The following PHLPP1 variants were observed in gnomAD, a reference collection of about 807,000 sequenced individuals.
The protein encoded by PHLPP1 is PH domain leucine-rich repeat-containing protein phosphatase 1.
PHLPP1 carries 42 observed loss-of-function variants against 117.2 expected under a neutral mutation model. The ratio of observed to expected loss-of-function variants is 0.36; its 90% CI spans 0.28 to 0.46. The LOEUF (loss-of-function observed/expected upper bound fraction) is 0.46, where lower values mean the gene tolerates loss of function less well. Ranked by LOEUF, PHLPP1 falls within the 20% of genes least tolerant of loss-of-function variation. The probability of loss-of-function intolerance (pLI) is 1.00; values close to 1 mark genes in which losing one functional copy is unlikely to be tolerated. For missense variants in PHLPP1, 2,084 were observed against 2,241.9 expected (o/e 0.93, Z 1.42); for synonymous variants, 1,042 against 970.7 (o/e 1.07, Z -1.37).
intron 1 of PHLPP1, among the ~76,000 whole-genome samples, chr18:62,787,616 TAC>T (rs1913332102): frequency 6.6e-6 from 1 of 152,248 alleles, no homozygotes; most frequent in African/African-American, 2.4e-5. Flanking sequence ...TTTTCCCATT[TAC>T]AGTTTCTTTC....
intron 9 of PHLPP1, among the ~76,000 whole-genome samples, chr18:62,919,480 G>A (rs1909396850): frequency 6.6e-6 from 1 of 152,202 alleles, no homozygotes; most frequent in African/African-American, 2.4e-5. Flanking sequence ...AAATGCAACT[G>A]AGGAAAAACA....
At chr18:62,795,863 T>C (rs572952726) in intron 1 of PHLPP1, among the ~76,000 whole-genome samples, 4 of 152,334 alleles carry the variant, frequency 2.6e-5, no homozygotes, top group African/African-American at 4.8e-5. Flanking sequence ...GCAAGTTTCT[T>C]GCTAGTTTGC....
At chr18:62,731,559 T>C (rs1004710001) in intron 1 of PHLPP1, among the ~76,000 whole-genome samples, 1 of 152,138 alleles carries the variant, frequency 6.6e-6, no homozygotes, top group Non-Finnish European at 1.5e-5. Context: ...GGCCAGTTAG[T>C]AACCCTATAA....
intron 1 of PHLPP1, among the ~76,000 whole-genome samples, chr18:62,815,845 G>A (rs910643104): frequency 1.3e-5 from 2 of 152,160 alleles, no homozygotes; most frequent in African/African-American, 4.8e-5. Flanking sequence ...CTTTAAATTT[G>A]TGCTACCCTT....
intron 8 of PHLPP1, among the ~76,000 whole-genome samples, chr18:62,914,089 A>T (rs1477885296): frequency 6.6e-6 from 1 of 152,098 alleles, no homozygotes; most frequent in African/African-American, 2.4e-5. Flanking sequence ...CTAGTGCCCA[A>T]GTAAATGTTT....
At chr18:62,946,637 G>T (rs1243324139) in intron 12 of PHLPP1, among the ~76,000 whole-genome samples, 1 of 151,822 alleles carries the variant, frequency 6.6e-6, no homozygotes, top group Non-Finnish European at 1.5e-5. Flanking sequence ...AAGCCATTTT[G>T]TTTGTGTGTG....
intron 4 of PHLPP1, among the ~76,000 whole-genome samples, chr18:62,873,673 G>C (rs568432454): frequency 6.6e-6 from 1 of 152,270 alleles, no homozygotes; most frequent in South Asian, 2.1e-4. Context: ...TTCAGTAGAA[G>C]TTGGTATTTT....
chr18:62,963,517 C>G (rs758857917), intron 14 of PHLPP1, 45 bp downstream of exon 14: 19 of 1,214,126 alleles, frequency 1.6e-5, no homozygotes, highest in Non-Finnish European at 2.3e-5. Flanking sequence ...TCCTGCCTGT[C>G]TCACTCCTTT....
At chr18:62,879,769 T>G (rs1268930881) in intron 4 of PHLPP1, among the ~76,000 whole-genome samples, 1 of 152,194 alleles carries the variant, frequency 6.6e-6, no homozygotes, top group African/African-American at 2.4e-5. Flanking sequence ...TGCCTGTTTT[T>G]CATCCCAGAC....
At chr18:62,751,946 C>T (rs945927812) in intron 1 of PHLPP1, among the ~76,000 whole-genome samples, 6 of 152,114 alleles carry the variant, frequency 3.9e-5, no homozygotes, top group Admixed American at 1.3e-4. Context: ...ACAAGTAGTA[C>T]TAAAATACTC....
intron 1 of PHLPP1, among the ~76,000 whole-genome samples, chr18:62,786,389 GT>G (rs908270848): frequency 6.6e-6 from 1 of 152,176 alleles, no homozygotes; most frequent in Admixed American, 6.5e-5. Flanking sequence ...TGTTATTGTT[GT>G]TTTGTTTTGT....
intron 1 of PHLPP1, among the ~76,000 whole-genome samples, chr18:62,761,690 A>G (rs546263477): frequency 1.3e-5 from 2 of 152,022 alleles, no homozygotes; most frequent in African/African-American, 4.8e-5. Flanking sequence ...AAATGATGGT[A>G]TTAGTAATGT....
chr18:62,907,596 A>G (rs1661799751), intron 8 of PHLPP1, among the ~76,000 whole-genome samples: 1 of 138,554 alleles, frequency 7.2e-6, no homozygotes, highest in Non-Finnish European at 1.6e-5. Context: ...AAGTTTAGAG[A>G]AAAAAGAATA....
At chr18:62,961,793 T>C (rs1910777888) in intron 13 of PHLPP1, among the ~76,000 whole-genome samples, 1 of 152,220 alleles carries the variant, frequency 6.6e-6, no homozygotes, top group Non-Finnish European at 1.5e-5. Flanking sequence ...GATTTTCTAT[T>C]GACACTATGA....
intron 1 of PHLPP1, among the ~76,000 whole-genome samples, chr18:62,764,620 C>T (rs1294618012): frequency 6.6e-6 from 1 of 151,804 alleles, no homozygotes; most frequent in Non-Finnish European, 1.5e-5. Flanking sequence ...GGCCTGGTGG[C>T]GCATGCCTGT....
chr18:62,902,916 C>T (rs1369416347), intron 6 of PHLPP1, 48 bp from the exon 7 acceptor site: 2 of 1,139,552 alleles, frequency 1.8e-6, no homozygotes, highest in Non-Finnish European at 2.6e-6. Flanking sequence ...TGCCCATTTA[C>T]TTATAGCATT....
intron 10 of PHLPP1, among the ~76,000 whole-genome samples, chr18:62,939,449 C>G (rs1199593609): frequency 6.6e-6 from 1 of 152,160 alleles, no homozygotes; most frequent in Non-Finnish European, 1.5e-5. Context: ...TAAATGGGAT[C>G]TAAAGAAACA....
intron 15 of PHLPP1, among the ~76,000 whole-genome samples, chr18:62,973,867 G>T (rs1436573158): frequency 6.6e-6 from 1 of 152,220 alleles, no homozygotes; most frequent in Non-Finnish European, 1.5e-5. Flanking sequence ...GTGAGGTGAA[G>T]CACAGTGCCT....
At chr18:62,735,380 G>A (rs1911343273) in intron 1 of PHLPP1, among the ~76,000 whole-genome samples, 1 of 151,928 alleles carries the variant, frequency 6.6e-6, no homozygotes, top group Non-Finnish European at 1.5e-5. Context: ...TACCCTGCCT[G>A]GCCGAGGATG....
Sources: allele counts gnomAD v4.1 joint callset (sites outside exome capture counted in the v4.1 genomes callset), GRCh38; gene constraint gnomAD v4.1.1; transcripts MANE v1.5; gene names NCBI Gene and HGNC (gene_info 2026-07-23, HGNC 2026-07-21).